Variants in FAM13B observed in about 807,000 individuals in gnomAD.
The protein encoded by FAM13B is family with sequence similarity 13 member B.
A neutral mutation model predicts 117.3 loss-of-function variants in FAM13B; 60 were observed. The observed-to-expected ratio is 0.51, with a 90% confidence interval of 0.42 to 0.63. The LOEUF is 0.63. Among genes scored for constraint, FAM13B ranks in the 30% least tolerant of loss-of-function variants. The pLI, the probability that FAM13B is intolerant of heterozygous loss-of-function variation, is 0.00. For missense variants in FAM13B, 972 were observed against 1,091.9 expected (o/e 0.89, Z 1.55); for synonymous variants, 332 against 356.1 (o/e 0.93, Z 0.76).
chr5:138,039,672 G>A (rs1398359642), intron 1 of FAM13B: 1 of 149,638 alleles, frequency 6.7e-6, no homozygotes, highest in Non-Finnish European at 1.5e-5. Context: ...CTGGGCTCAA[G>A]AGATCCTCCC....
Position 138,018,994 on chromosome 5 carries a change from A to G in FAM13B, c.118T>C (p.Phe40Leu), listed in dbSNP as rs756103022. ...QGGHPDNEVP[F>L]IVRHVVDYIE... ...TAGTCCACAACGTGGCGGACTATGA[A>G]TGGAACCTCATTGTCTGGATGTCCT... Residue 40 changes from phenylalanine (F) to leucine (L), a missense_variant, in exon 3 of 24, where the codon TTC (phenylalanine) becomes CTC (leucine). By Grantham distance (22) the Phe-to-Leu change is conservative (BLOSUM62 0). Transcript: ENST00000689681. 2.7e-5 allele frequency: 44 copies of G among 1,614,062 alleles called. No homozygotes were observed. The highest frequency in any genetic ancestry group is 5.3e-5 in the African/African-American group (4 of 74,940).
intron 1 of FAM13B, among the ~76,000 whole-genome samples, chr5:138,050,297 C>T (rs1397670553): frequency 3.3e-5 from 5 of 151,812 alleles, no homozygotes; most frequent in Non-Finnish European, 7.4e-5. Flanking sequence ...ATTGGCCAGG[C>T]GTGGTGATGC....
Position 137,948,955 on chromosome 5 carries a change from C to T in FAM13B, c.2160G>A (p.Lys720=). Residue 720 remains lysine (K), a splice_region_variant and synonymous_variant, in exon 18 of 24, where the codon AAG becomes AAA. Transcript: ENST00000689681. ...RIERCLPEDI[K]KMTKDHLVEE... is the part of the protein sequence containing the mutation. ...GGCAAAAATCATAGCTCAAGATTAC[C>T]TTGATATCTTCTGGAAGACACCTCT... 6.2e-7 allele frequency: 1 copy of T among 1,610,452 alleles called. No individual in the cohort carries two copies. The highest frequency in any genetic ancestry group is 1.1e-5 in the South Asian group (1 of 90,982).
intron 17 of FAM13B, among the ~76,000 whole-genome samples, chr5:137,951,307 T>C (rs1320273332): frequency 6.6e-6 from 1 of 151,906 alleles, no homozygotes; most frequent in African/African-American, 2.4e-5. Flanking sequence ...TCTGTCTGTC[T>C]TGTTCACTGC....
rs145577473 is a variant in FAM13B, at chr5:137,949,136, G to A, written c.1979C>T (p.Pro660Leu). 6.2e-7 allele frequency: 1 copy of A among 1,614,036 alleles called. No individual in the cohort carries two copies. The highest frequency in any genetic ancestry group is 1.3e-5 in the African/African-American group (1 of 74,984). Residue 660 changes from proline to leucine, a missense_variant, in exon 18 of 24, where the codon CCA becomes CTA. Physicochemically the swap from Pro to Leu is moderately conservative, Grantham distance 98. Coordinates refer to ENST00000689681, the MANE Select transcript of FAM13B (RefSeq NM_001385994.1). ...GCTTTTTGGAAGTGTGTTACTACGTGGACGTGTCTGAGGTACAAATTCTCC... is the reference window on the plus strand; with the variant it reads ...GCTTTTTGGAAGTGTGTTACTACGTAGACGTGTCTGAGGTACAAATTCTCC... The part of the protein sequence containing the change: ...SDGEFVPQTR[P>L]RSNTLPKSFG...
At chr5:138,000,945 A>ACG (rs1781104679) in intron 7 of FAM13B, among the ~76,000 whole-genome samples, 2 of 1,960 alleles carry the variant, frequency 1.0e-3, no homozygotes, top group African/African-American at 4.5e-3. Context: ...ACAAAAAACA[A>ACG]AAAAAAAAAA....
intron 6 of FAM13B, among the ~76,000 whole-genome samples, chr5:138,009,506 T>C (rs1452172320): frequency 6.6e-6 from 1 of 151,910 alleles, no homozygotes; most frequent in Non-Finnish European, 1.5e-5. Flanking sequence ...AAAAAAGTTT[T>C]CAGAAGTATA....
chr5:137,961,145 G>A (rs1767998671), intron 11 of FAM13B, among the ~76,000 whole-genome samples: 1 of 152,144 alleles, frequency 6.6e-6, no homozygotes, highest in Admixed American at 6.5e-5. Flanking sequence ...CAAATGGTAG[G>A]ATGAGTAATT....
chr5:138,033,400 C>T (rs571447482), upstream of FAM13B, among the ~76,000 whole-genome samples: 20 of 152,284 alleles, frequency 1.3e-4, no homozygotes, highest in Non-Finnish European at 2.5e-4. Context: ...GGAAGCCAGG[C>T]CCCCAGGGCG....
intron 10 of FAM13B, among the ~76,000 whole-genome samples, chr5:137,978,093 A>G (rs1270654363): frequency 6.6e-6 from 1 of 152,064 alleles, no homozygotes; most frequent in Non-Finnish European, 1.5e-5. Flanking sequence ...TTTCAAAATA[A>G]CTTTACCTCA....
At chr5:137,946,342 CAA>C (rs752211644) in intron 18 of FAM13B, 31 bp from the exon 19 acceptor site, 1,013 of 909,446 alleles carry the variant, frequency 1.1e-3, no homozygotes, top group South Asian at 1.7e-3. Flanking sequence ...TAACAAAATA[CAA>C]AAAAAAAAAA....
chr5:137,940,259 A>T lies in FAM13B; in HGVS notation c.2780T>A (p.Leu927His), dbSNP rs1644200192. The T allele has an allele frequency of 6.2e-7, 1 of 1,613,950 alleles. No individual in the cohort carries two copies. Among genetic ancestry groups the T allele is most frequent in the Non-Finnish European group, 8.5e-7 (1 of 1,179,930 alleles). Residue 927 changes from leucine to histidine, a missense_variant, in exon 24 of 24, where the codon CTT (leucine) becomes CAT (histidine). Leu to His is a moderately conservative substitution (Grantham distance 99). Coordinates refer to ENST00000689681, the MANE Select transcript of FAM13B (RefSeq NM_001385994.1). ...IKAKLRLLEV[L>H]ISKQDSSKSI ...TTTTGAAGAATCTTGTTTGCTTATA[A>T]GAACTTCAAGAAGCCTAAGCTTGGC...
chr5:138,010,983 A>G (rs753457410), intron 6 of FAM13B, 25 bp downstream of exon 6: 10 of 1,303,856 alleles, frequency 7.7e-6, no homozygotes, highest in Non-Finnish European at 1.0e-5. Flanking sequence ...AAAAAAAATT[A>G]TCCCTCCAAA....
upstream of FAM13B, chr5:138,036,517 G>GTTC: frequency 2.2e-6 from 1 of 456,732 alleles, no homozygotes; most frequent in Non-Finnish European, 4.4e-6. Flanking sequence ...GCTCTGAGCA[G>GTTC]ATCCATTGAA....
At chr5:137,968,501 G>A (rs1383984293) in intron 10 of FAM13B, among the ~76,000 whole-genome samples, 1 of 151,820 alleles carries the variant, frequency 6.6e-6, no homozygotes, top group Non-Finnish European at 1.5e-5. Flanking sequence ...TACATTATAG[G>A]ACTGTGGTTT....
chr5:137,978,187 T>C (rs893323291), intron 10 of FAM13B, among the ~76,000 whole-genome samples: 2 of 152,220 alleles, frequency 1.3e-5, no homozygotes, highest in African/African-American at 4.8e-5. Context: ...TATCTAATCA[T>C]TTTCCATTTA....
intron 18 of FAM13B, 132 bp from the exon 19 acceptor site, chr5:137,946,443 A>T (rs1370490249): frequency 3.3e-6 from 2 of 606,758 alleles, no homozygotes; most frequent in Admixed American, 3.5e-5. Flanking sequence ...GACGATCAAC[A>T]GTCTAGCCCA....
intron 10 of FAM13B, among the ~76,000 whole-genome samples, chr5:137,981,771 G>A (rs11954206): frequency 0.015 from 2,314 of 151,558 alleles, 35 homozygotes; most frequent in Non-Finnish European, 0.023. Flanking sequence ...GGGCAACAGA[G>A]ACAGACTCCA....
intron 7 of FAM13B, among the ~76,000 whole-genome samples, chr5:137,989,155 T>A (rs905270588): frequency 1.3e-5 from 2 of 152,242 alleles, no homozygotes; most frequent in Non-Finnish European, 2.9e-5. Flanking sequence ...ACCACATCTG[T>A]AGCTACCTTG....
Sources: allele counts gnomAD v4.1 joint callset (sites outside exome capture counted in the v4.1 genomes callset), GRCh38; gene constraint gnomAD v4.1.1; transcripts MANE v1.5; gene names NCBI Gene and HGNC (gene_info 2026-07-23, HGNC 2026-07-21).